CLMN: variants seen among roughly 807,000 people sequenced by gnomAD.
CLMN encodes calmin (calponin-like, transmembrane).
CLMN carries 57 observed loss-of-function variants against 92.7 expected under a neutral mutation model. The ratio of observed to expected loss-of-function variants is 0.61; its 90% confidence interval spans 0.50 to 0.77. The LOEUF is 0.77. Among genes scored for constraint, CLMN ranks in the 30% least tolerant of loss-of-function variants. CLMN has a pLI of 0.00. For missense variants in CLMN, 1,158 were observed against 1,237.5 expected (o/e 0.94, Z 0.96); for synonymous variants, 466 against 470.6 (o/e 0.99, Z 0.13).
At chr14:95,263,968 G>C (rs1899362924) in intron 1 of CLMN, among the ~76,000 whole-genome samples, 1 of 151,636 alleles carries the variant, frequency 6.6e-6, no homozygotes, top group Non-Finnish European at 1.5e-5. Context: ...TTCCCAACTT[G>C]GTATTCAACA....
At chr14:95,254,400 T>C (rs1898912524) in intron 1 of CLMN, among the ~76,000 whole-genome samples, 1 of 152,180 alleles carries the variant, frequency 6.6e-6, no homozygotes, top group Non-Finnish European at 1.5e-5. Context: ...TGATGTACAA[T>C]TTCATTCCTG....
At chr14:95,307,858 T>C (rs760743951) in intron 1 of CLMN, 1 of 152,128 alleles carries the variant, frequency 6.6e-6, no homozygotes, top group East Asian at 1.9e-4. Context: ...CCTGGAGATA[T>C]CACAGTGTGC....
intron 1 of CLMN, among the ~76,000 whole-genome samples, chr14:95,243,371 G>A (rs994037302): frequency 1.3e-5 from 2 of 152,156 alleles, no homozygotes; most frequent in Admixed American, 6.5e-5. Flanking sequence ...AGAAAAGGCA[G>A]AAGTGTTTGT....
At chr14:95,211,321 A>G (rs947728540) in intron 6 of CLMN, among the ~76,000 whole-genome samples, 16 of 152,226 alleles carry the variant, frequency 1.1e-4, no homozygotes, top group African/African-American at 3.9e-4. Context: ...AACTCCACAC[A>G]GTGAACTTGC....
At chr14:95,265,682 A>C (rs981208588) in intron 1 of CLMN, among the ~76,000 whole-genome samples, 4 of 152,226 alleles carry the variant, frequency 2.6e-5, no homozygotes, top group Non-Finnish European at 5.9e-5. Flanking sequence ...CTGGTGAGTC[A>C]TATTCCGAGC....
intron 8 of CLMN, among the ~76,000 whole-genome samples, chr14:95,208,711 T>C (rs1036045265): frequency 1.3e-5 from 2 of 152,248 alleles, no homozygotes; most frequent in Non-Finnish European, 2.9e-5. Flanking sequence ...TTTTTCTTTC[T>C]GAGGTTTCAG....
intron 4 of CLMN, among the ~76,000 whole-genome samples, chr14:95,217,617 C>CA (rs1897393345): frequency 6.6e-6 from 1 of 152,236 alleles, no homozygotes; most frequent in Non-Finnish European, 1.5e-5. Context: ...CTCGCCTGCT[C>CA]GTCTCCTAAG....
intron 1 of CLMN, among the ~76,000 whole-genome samples, chr14:95,251,157 G>A (rs1422615835): frequency 6.6e-6 from 1 of 152,188 alleles, no homozygotes; most frequent in Admixed American, 6.5e-5. Flanking sequence ...AATGGGGGGT[G>A]GGTGTCGCAG....
intron 1 of CLMN, among the ~76,000 whole-genome samples, chr14:95,292,031 C>T (rs907449786): frequency 8.5e-5 from 13 of 152,362 alleles, no homozygotes; most frequent in African/African-American, 1.4e-4. Flanking sequence ...CGTGTTCCCA[C>T]GTCCTCATCT....
chr14:95,293,802 C>T (rs565582253), intron 1 of CLMN, among the ~76,000 whole-genome samples: 1 of 152,006 alleles, frequency 6.6e-6, no homozygotes, highest in Admixed American at 6.6e-5. Context: ...TCCTTCCTTT[C>T]CCAAGGGTCT....
chr14:95,281,194 T>C (rs1359245889), intron 1 of CLMN, among the ~76,000 whole-genome samples: 1 of 152,218 alleles, frequency 6.6e-6, no homozygotes, highest in African/African-American at 2.4e-5. Flanking sequence ...ATCCAACTCA[T>C]ACAAGTATTT....
chr14:95,197,377 GAAGA>G (rs1896748461), intron 9 of CLMN, among the ~76,000 whole-genome samples: 1 of 141,580 alleles, frequency 7.1e-6, no homozygotes, highest in South Asian at 2.2e-4. Context: ...AGGAAGGAAG[GAAGA>G]TAGAGAGAGA....
At position 95,210,721 on chromosome 14, in the gene CLMN, T is replaced by A; in HGVS notation, c.767A>T (p.Asp256Val). Reference sequence around the variant, plus strand: ...CAGGAGCCTGGGGATGTGCAGGGCATCCTGTGCGATGCTGAAAGCCTTCTC... The same window carrying A: ...CAGGAGCCTGGGGATGTGCAGGGCAACCTGTGCGATGCTGAAAGCCTTCTC... Reference protein sequence around the residue: ...NLEKAFSIAQDALHIPRLLEP... With the variant: ...NLEKAFSIAQVALHIPRLLEP... The change falls in exon 7 of 13, where the codon GAT (aspartate) becomes GTT (valine). Residue 256 changes from aspartate (D) to valine (V), a missense_variant. By Grantham distance (152) the Asp-to-Val change is radical. Coordinates refer to ENST00000298912, the MANE Select transcript of CLMN (RefSeq NM_024734.4). 1.2e-6 allele frequency: 2 copies of A among 1,609,874 alleles called. No homozygotes were observed. Among genetic ancestry groups the A allele is most frequent in the Middle Eastern group, 1.7e-4 (1 of 6,056 alleles).
rs571648840 is a variant in CLMN, at chr14:95,236,085, T to C, written c.83-5952A>G. On this transcript the variant is annotated intron_variant, in intron 1 of 12. Transcript: ENST00000298912. The stretch of plus-strand genomic sequence containing the variant: ...GCTTGACAGCAGCCGCCACTTCCCA[T>C]GCAATAACTTGTCTCTTCTGTAAGC... Among the ~76,000 whole-genome samples the C allele has an allele frequency of 8.6e-4, 131 of 152,350 alleles. 1 individual carries two copies. The highest frequency in any genetic ancestry group is 3.0e-3 in the African/African-American group (124 of 41,592).
chr14:95,273,324 T>G (rs549753007), intron 1 of CLMN, among the ~76,000 whole-genome samples: 32 of 152,274 alleles, frequency 2.1e-4, no homozygotes, highest in African/African-American at 7.5e-4. Flanking sequence ...GGTGAGTCAA[T>G]GGATCCACTA....
chr14:95,283,326 G>A (rs1224674786), intron 1 of CLMN, among the ~76,000 whole-genome samples: 2 of 152,196 alleles, frequency 1.3e-5, no homozygotes, highest in African/African-American at 2.4e-5. Context: ...GGAACTGTAA[G>A]TCCAATTAAA....
chr14:95,201,402 C>T (rs540486374), intron 9 of CLMN, among the ~76,000 whole-genome samples: 2 of 151,852 alleles, frequency 1.3e-5, no homozygotes, highest in Admixed American at 6.6e-5. Context: ...CCCCACGACC[C>T]CTTCTATTTC....
Position 95,194,247 on chromosome 14 carries a change from T to G in CLMN, c.2769+289A>C. 1 of 1,388,800 alleles carries G rather than the reference T, an allele frequency of 7.2e-7. No individual in the cohort carries two copies. The highest frequency in any genetic ancestry group is 9.3e-7 in the Non-Finnish European group (1 of 1,076,736). The allele number at this position is 1,388,800 out of a possible 1,614,324, so 86.0% of individuals were successfully genotyped here. A position where few individuals can be genotyped will look rare whatever the true frequency, so the allele number is the denominator to read the frequency against. ...CATGTTGCACCTCTGTCTCTGAACG[T>G]GATCCTTCTGGGTGCGCGCGGGGTC... On this transcript the variant is annotated intron_variant, in intron 11 of 12. Coordinates refer to ENST00000298912, the MANE Select transcript of CLMN (RefSeq NM_024734.4). This position sits in a 1 kb window ranked among gnomAD's most constrained non-coding sequence, Gnocchi z 4.0.
chr14:95,284,360 G>A (rs920417753), intron 1 of CLMN, among the ~76,000 whole-genome samples: 8 of 152,222 alleles, frequency 5.3e-5, no homozygotes, highest in Non-Finnish European at 7.3e-5. Flanking sequence ...TGGGGTCAGA[G>A]CCCCCATACA....
Sources: gnomAD v4.1 joint callset for allele counts (sites outside exome capture counted in the v4.1 genomes callset) on GRCh38, gnomAD v4.1.1 for gene constraint, Gnocchi (gnomAD v3.1) non-coding constraint, MANE v1.5 for transcripts, NCBI Gene and HGNC (gene_info 2026-07-23, HGNC 2026-07-21) for gene names.